Variants in B3GALT1 observed in about 807,000 individuals in gnomAD.
The protein encoded by B3GALT1 is UDP-Gal:betaGlcNAc beta 1,3-galactosyltransferase, polypeptide 1.
B3GALT1 carries 10 observed loss-of-function variants against 23.2 expected under a neutral mutation model. That is an observed-to-expected ratio of 0.43 (90% CI 0.27 to 0.73). The LOEUF is 0.73. Ranked by LOEUF, B3GALT1 falls within the 30% of genes least tolerant of loss-of-function variation. The pLI is 0.21. For synonymous variants in B3GALT1, 156 were observed against 141.5 expected, an observed-to-expected ratio of 1.10 and a Z score of -0.73; for missense variants, 299 against 405.4, an observed-to-expected ratio of 0.74 and a Z score of 2.25.
chr2:167,545,242 A>C (rs4233814), intron 2 of B3GALT1, among the ~76,000 whole-genome samples: 43,852 of 151,404 alleles, frequency 0.29, 6,656 homozygotes, highest in East Asian at 0.45. Context: ...TCACTGTGTT[A>C]GCCAGGATGG....
intron 3 of B3GALT1, among the ~76,000 whole-genome samples, chr2:167,731,918 C>T (rs1687416910): frequency 6.6e-6 from 1 of 152,174 alleles, no homozygotes; most frequent in Admixed American, 6.5e-5. Context: ...TTTCCCATTC[C>T]TCAACCCTTA....
At chr2:167,828,114 G>A (rs975191543) in intron 4 of B3GALT1, among the ~76,000 whole-genome samples, 2 of 152,160 alleles carry the variant, frequency 1.3e-5, no homozygotes, top group African/African-American at 4.8e-5. Flanking sequence ...GCTGTGTAAT[G>A]TACCTTTGAT....
intron 3 of B3GALT1, among the ~76,000 whole-genome samples, chr2:167,752,673 A>T (rs1574245172): frequency 6.8e-6 from 1 of 146,902 alleles, no homozygotes; most frequent in African/African-American, 2.5e-5. Flanking sequence ...GTGCACTCGG[A>T]TTCTTAGAAA....
chr2:167,838,605 G>A (rs1189545091), intron 4 of B3GALT1, among the ~76,000 whole-genome samples: 1 of 152,264 alleles, frequency 6.6e-6, no homozygotes, highest in African/African-American at 2.4e-5. Flanking sequence ...GGTACAAGGA[G>A]GAACTGGTAC....
chr2:167,828,802 G>A (rs1479854228), intron 4 of B3GALT1, among the ~76,000 whole-genome samples: 1 of 152,168 alleles, frequency 6.6e-6, no homozygotes, highest in African/African-American at 2.4e-5. Flanking sequence ...TGCAGATTAG[G>A]AAACGGGCCT....
At position 167,375,125 on chromosome 2, in the gene B3GALT1, T is replaced by A. The variant is rs554155356; in HGVS notation, c.-511+81791T>A. 3.3e-5 allele frequency among the ~76,000 whole-genome samples: 5 copies of A among 152,220 alleles called. No individual in the cohort carries two copies. The South Asian group carries it at 8.3e-4, about 25-fold the overall frequency. On this transcript the variant is annotated intron_variant, in intron 1 of 4. Coordinates refer to ENST00000392690, the MANE Select transcript of B3GALT1 (RefSeq NM_020981.4). ...CCCATTGCTTATTTTTTTGTCAACT[T>A]TGTTGAAGATTAGATGCCTGGAGGT...
intron 3 of B3GALT1, among the ~76,000 whole-genome samples, chr2:167,691,806 A>G (rs1468454264): frequency 6.6e-6 from 1 of 152,188 alleles, no homozygotes; most frequent in Non-Finnish European, 1.5e-5. Context: ...AAGCTGTGTT[A>G]GATAAAGATA....
chr2:167,593,956 A>T (rs568929968), intron 2 of B3GALT1, among the ~76,000 whole-genome samples: 1 of 152,256 alleles, frequency 6.6e-6, no homozygotes, highest in Non-Finnish European at 1.5e-5. Flanking sequence ...AAAGTGAATT[A>T]AAAGCAAGCA....
At chr2:167,562,341 G>A (rs1370198006) in intron 2 of B3GALT1, among the ~76,000 whole-genome samples, 1 of 152,134 alleles carries the variant, frequency 6.6e-6, no homozygotes, top group East Asian at 1.9e-4. Flanking sequence ...CAAACCCACA[G>A]CCAATATCAT....
chr2:167,604,979 T>G (rs1310508425), intron 2 of B3GALT1, among the ~76,000 whole-genome samples: 1 of 152,208 alleles, frequency 6.6e-6, no homozygotes, highest in Non-Finnish European at 1.5e-5. Flanking sequence ...CAAGAGGTTG[T>G]GATGTAATGA....
intron 2 of B3GALT1, among the ~76,000 whole-genome samples, chr2:167,553,767 A>C (rs1683791764): frequency 6.6e-6 from 1 of 152,216 alleles, no homozygotes; most frequent in Admixed American, 6.5e-5. Context: ...TTGGAACTAC[A>C]GCTATGGATA....
intron 3 of B3GALT1, among the ~76,000 whole-genome samples, chr2:167,706,060 C>G (rs554570692): frequency 6.6e-5 from 10 of 152,112 alleles, no homozygotes; most frequent in Admixed American, 3.3e-4. Context: ...TTAAGGGGGT[C>G]GGGGGAGGCT....
chr2:167,842,710 C>CA (rs1222778339), intron 4 of B3GALT1, among the ~76,000 whole-genome samples: 1 of 151,930 alleles, frequency 6.6e-6, no homozygotes, highest in African/African-American at 2.4e-5. Context: ...TCCGTCTCTA[C>CA]AAAAAACTAT....
At chr2:167,830,375 T>TAA (rs59253266) in intron 4 of B3GALT1, among the ~76,000 whole-genome samples, 9 of 142,184 alleles carry the variant, frequency 6.3e-5, no homozygotes, top group African/African-American at 1.5e-4. Context: ...CGTTCATACT[T>TAA]AAAAAAAAAA....
intron 1 of B3GALT1, among the ~76,000 whole-genome samples, chr2:167,450,417 G>A (rs1435900376): frequency 6.6e-6 from 1 of 151,998 alleles, no homozygotes; most frequent in Non-Finnish European, 1.5e-5. Flanking sequence ...TCTTTGGTTT[G>A]TCTGAAAAAG....
At chr2:167,737,855 C>A (rs901316159) in intron 3 of B3GALT1, among the ~76,000 whole-genome samples, 1 of 152,162 alleles carries the variant, frequency 6.6e-6, no homozygotes, top group African/African-American at 2.4e-5. Context: ...CTTAACCCAT[C>A]AGTGGAGTTT....
At chr2:167,297,328 T>TAA (rs1696366797) in intron 1 of B3GALT1, among the ~76,000 whole-genome samples, 1 of 151,956 alleles carries the variant, frequency 6.6e-6, no homozygotes, top group Non-Finnish European at 1.5e-5. Context: ...AGCATGTTTG[T>TAA]AATGAGAATT....
rs1690349517 is a variant in B3GALT1 at position 167,871,690 on chromosome 2, T to C, written c.*1670T>C. 6.6e-6 allele frequency: 1 copy of C among 152,246 alleles called. No homozygotes were observed. Among genetic ancestry groups the C allele is most frequent in the East Asian group, 1.9e-4 (1 of 5,180 alleles). The allele number at this position is 152,246 out of a possible 1,614,324, so 9.4% of individuals were successfully genotyped here. A position where few individuals can be genotyped will look rare whatever the true frequency, so the allele number is the denominator to read the frequency against. On this transcript the variant is annotated 3_prime_UTR_variant, in exon 5 of 5. Coordinates refer to ENST00000392690, the MANE Select transcript of B3GALT1 (RefSeq NM_020981.4). ...ACTTTGCAAAATGCATCACGACAAC[T>C]TAGATCTCAGGAACCACTGAATCTG...
rs145154539 is a variant in B3GALT1 at position 167,416,152 on chromosome 2, G to A, written c.-510-74025G>A. On this transcript the variant is annotated intron_variant, in intron 1 of 4. Coordinates refer to ENST00000392690, the MANE Select transcript of B3GALT1 (RefSeq NM_020981.4). ...AAGGTGGTAGAAGAAGACCCTGGAA[G>A]CATTTCTGAGATCTTTGAGGCTCTC... Among the ~76,000 whole-genome samples the A allele has an allele frequency of 6.5e-3, 985 of 152,276 alleles. 4 individuals are homozygous for A. Among genetic ancestry groups the A allele is most frequent in the African/African-American group, 0.011 (452 of 41,568 alleles).
Sources: gnomAD v4.1 joint callset for allele counts (sites outside exome capture counted in the v4.1 genomes callset) on GRCh38, gnomAD v4.1.1 for gene constraint, MANE v1.5 for transcripts, NCBI Gene and HGNC (gene_info 2026-07-23, HGNC 2026-07-21) for gene names.